The following CSRNP2 variants were observed in gnomAD, a reference collection of about 807,000 sequenced individuals.
CSRNP2 encodes cysteine and serine rich nuclear protein 2, also known as cysteine/serine-rich nuclear protein 2.
A neutral mutation model predicts 36.6 loss-of-function variants in CSRNP2; 11 were observed. The observed-to-expected ratio is 0.30, with a 90% CI of 0.19 to 0.50. The LOEUF (loss-of-function observed/expected upper bound fraction) is 0.50, where lower values mean the gene tolerates loss of function less well. Ranked by LOEUF, CSRNP2 falls within the 20% of genes least tolerant of loss-of-function variation. CSRNP2 has a pLI of 0.98. For missense variants in CSRNP2, 483 were observed against 691.4 expected, an observed-to-expected ratio of 0.70 and a Z score of 3.38; for synonymous variants, 248 against 275.3, an observed-to-expected ratio of 0.90 and a Z score of 0.98.
chr12:51,081,376 A>C (rs1939634512), intron 1 of CSRNP2: 1 of 152,158 alleles, frequency 6.6e-6, no homozygotes, highest in Non-Finnish European at 1.5e-5. Flanking sequence ...ATACTTTCCA[A>C]TTCATCAAAT....
At chr12:51,069,096 C>T (rs538498403) in intron 3 of CSRNP2, among the ~76,000 whole-genome samples, 28 of 152,236 alleles carry the variant, frequency 1.8e-4, no homozygotes, top group Non-Finnish European at 3.4e-4. Context: ...CTGCCTCAGT[C>T]TCCCGAGTAG....
chr12:51,080,668 T>A (rs767148231), intron 1 of CSRNP2, among the ~76,000 whole-genome samples: 5 of 152,168 alleles, frequency 3.3e-5, no homozygotes, highest in Non-Finnish European at 7.4e-5. Context: ...CTCAGGGAAA[T>A]CCTCAAGGAC....
chr12:51,076,046 G>GAA (rs200572591), intron 2 of CSRNP2, among the ~76,000 whole-genome samples: 1 of 150,628 alleles, frequency 6.6e-6, no homozygotes, highest in Non-Finnish European at 1.5e-5. Context: ...AGCAAAACGA[G>GAA]AAAAAAAAAG....
chr12:51,066,603 T>G (rs111478840), intron 4 of CSRNP2, among the ~76,000 whole-genome samples: 7,305 of 148,250 alleles, frequency 0.049, 400 homozygotes, highest in African/African-American at 0.14. Context: ...ATCGCGCCAC[T>G]GCACTCCAGC....
In CSRNP2 at chr12:51,083,573, A is replaced by C. The variant is rs1027834596; in HGVS notation, c.-321T>G. On this transcript the variant is annotated 5_prime_UTR_variant, in exon 1 of 5. Coordinates refer to ENST00000228515, the MANE Select transcript of CSRNP2 (RefSeq NM_030809.3). ...GCGCCCCCGGCAGCAGACGCCCAGA[A>C]CCGCCCCGGCTCCGGCTAACAATAG... is the stretch of plus-strand genomic sequence containing the variant. 1 of 152,216 alleles carries C rather than the reference A, an allele frequency of 6.6e-6. No homozygotes were observed. The allele number at this position is 152,216 out of a possible 1,614,324, so 9.4% of individuals were successfully genotyped here. A position where few individuals can be genotyped will look rare whatever the true frequency, so the allele number is the denominator to read the frequency against.
chr12:51,080,072 CAAAAAAAAAAAAAAAAAAA>C (rs1173559322), intron 1 of CSRNP2, among the ~76,000 whole-genome samples: 1 of 54,988 alleles, frequency 1.8e-5, no homozygotes, highest in Non-Finnish European at 3.2e-5. Context: ...GACTCTGTCT[CAAAAAAAAAAAAAAAAAAA>C]AAAAAAAAGA....
chr12:51,069,264 C>T (rs113826262), intron 3 of CSRNP2, among the ~76,000 whole-genome samples: 3,978 of 150,840 alleles, frequency 0.026, 187 homozygotes, highest in African/African-American at 0.093. Context: ...CATGAGCCAC[C>T]GTGCCCGGCT....
rs886638113 is a variant in CSRNP2 at position 51,062,547 on chromosome 12, T to A, written c.*1199A>T. The A allele has an allele frequency of 1.3e-4, 20 of 152,298 alleles. No homozygotes were observed. Among genetic ancestry groups the A allele is most frequent in the Admixed American group, 1.0e-3 (16 of 15,284 alleles). The allele number at this position is 152,298 out of a possible 1,614,324, so 9.4% of individuals were successfully genotyped here. On this transcript the variant is annotated 3_prime_UTR_variant, in exon 5 of 5. Transcript: ENST00000228515. ...TCAAAGGTTATAATTAGAACTTGAA[T>A]CCTTTGGAATCTGGGAGTTGCATGT...
At chr12:51,072,275 G>T (rs564701758) in intron 3 of CSRNP2, among the ~76,000 whole-genome samples, 1 of 152,144 alleles carries the variant, frequency 6.6e-6, no homozygotes, top group Non-Finnish European at 1.5e-5. Flanking sequence ...ATGAAAAATG[G>T]GTGGCCAAGT....
chr12:51,065,869 T>C (rs1938160783), intron 4 of CSRNP2, among the ~76,000 whole-genome samples: 1 of 152,220 alleles, frequency 6.6e-6, no homozygotes. Context: ...AGTTATTTGT[T>C]ACCCAGCTAA....
rs959003148 is a variant in CSRNP2, at chr12:51,068,108, T to C, written c.412-139A>G. ...TGCTGTCCAAAATGATGGCAGCTAC[T>C]AGCACATGTGGCTACTGAGCACTAG... On this transcript the variant is annotated intron_variant, in intron 3 of 4. Transcript: ENST00000228515. 7.0e-6 allele frequency: 5 copies of C among 716,326 alleles called. No homozygotes were observed. In the Admixed American group the frequency reaches 1.1e-4, roughly 16 times the overall value. The allele number at this position is 716,326 out of a possible 1,614,324, so 44.4% of individuals were successfully genotyped here. A position where few individuals can be genotyped will look rare whatever the true frequency, so the allele number is the denominator to read the frequency against.
intron 3 of CSRNP2, 119 bp downstream of exon 3, chr12:51,073,704 C>T (rs1209195828): frequency 2.3e-5 from 26 of 1,119,476 alleles, no homozygotes; most frequent in Non-Finnish European, 3.1e-5. Context: ...CCAGCCCGGG[C>T]GACAGAGCAA....
In CSRNP2 at chr12:51,062,479, G is replaced by C. The variant is rs1950896776; in HGVS notation, c.*1267C>G. The C allele has an allele frequency of 6.6e-6, 1 of 152,192 alleles. No individual in the cohort carries two copies. Among genetic ancestry groups the C allele is most frequent in the Admixed American group, 6.5e-5 (1 of 15,272 alleles). The allele number at this position is 152,192 out of a possible 1,614,324, so 9.4% of individuals were successfully genotyped here. ...CAGGAACTGTATTCCTCCTGACAGA[G>C]GTAAGAACTGAATCAAACTGAATGA... On this transcript the variant is annotated 3_prime_UTR_variant, in exon 5 of 5. Coordinates refer to ENST00000228515, the MANE Select transcript of CSRNP2 (RefSeq NM_030809.3).
chr12:51,080,281 G>A (rs774166392), intron 1 of CSRNP2, among the ~76,000 whole-genome samples: 1 of 151,880 alleles, frequency 6.6e-6, no homozygotes, highest in Non-Finnish European at 1.5e-5. Flanking sequence ...TAGTATCTCC[G>A]GTGAATATTT....
intron 3 of CSRNP2, among the ~76,000 whole-genome samples, chr12:51,068,995 A>C (rs762322157): frequency 1.3e-5 from 2 of 151,948 alleles, no homozygotes; most frequent in Admixed American, 6.6e-5. Context: ...TTTTTTTTTG[A>C]GACGGAGTCT....
In CSRNP2 at chr12:51,077,334, C is replaced by T. The variant is rs573822278; in HGVS notation, c.-86-687G>A. On this transcript the variant is annotated intron_variant, in intron 1 of 4. Transcript: ENST00000228515. The stretch of plus-strand genomic sequence containing the variant: ...TATTAATAGCTTTTACATAGAAATA[C>T]GACTGCTGTGTCAAAAGGGTTTTAA... Among the ~76,000 whole-genome samples the T allele has an allele frequency of 1.6e-3, 243 of 152,280 alleles. 2 individuals carry two copies. Among genetic ancestry groups the T allele is most frequent in the Non-Finnish European group, 1.4e-3 (95 of 68,018 alleles).
chr12:51,063,766 C>G lies in CSRNP2; in HGVS notation c.1612G>C (p.Glu538Gln), dbSNP rs139339223. The change falls in exon 5 of 5, where the codon GAA becomes CAA. Residue 538 changes from glutamate to glutamine, a missense_variant. By Grantham distance (29) the Glu-to-Gln change is conservative (BLOSUM62 2). This residue lies in a region of CSRNP2 where 277 missense variants were observed against 323.6 expected (regional missense o/e 0.86). Coordinates refer to ENST00000228515, the MANE Select transcript of CSRNP2 (RefSeq NM_030809.3). Reference sequence around the variant, plus strand: ...GCCTGTCACACTGCCAGAGGGAGTTCTAAGGAAGAATCTTCAGGGGGCCGA... The same window carrying G: ...GCCTGTCACACTGCCAGAGGGAGTTGTAAGGAAGAATCTTCAGGGGGCCGA... ...EDRPPEDSSL[E>Q]LPLAV 8.1e-4 allele frequency: 1,275 copies of G among 1,571,794 alleles called. 1 individual carries two copies. Among genetic ancestry groups the G allele is most frequent in the Non-Finnish European group, 1.1e-3 (1,221 of 1,158,736 alleles).
chr12:51,077,165 G>C (rs1161919540), intron 1 of CSRNP2, among the ~76,000 whole-genome samples: 1 of 151,934 alleles, frequency 6.6e-6, no homozygotes, highest in South Asian at 2.1e-4. Flanking sequence ...GGCTGGTCTT[G>C]AACACCTGGG....
intron 3 of CSRNP2, among the ~76,000 whole-genome samples, chr12:51,070,362 G>A (rs575886009): frequency 2.0e-4 from 30 of 152,238 alleles, no homozygotes; most frequent in Non-Finnish European, 2.8e-4. Flanking sequence ...CAGTGATTTC[G>A]GTACTAGGCA....
Sources: allele counts gnomAD v4.1 joint callset (sites outside exome capture counted in the v4.1 genomes callset), GRCh38; gene constraint gnomAD v4.1.1; regional missense constraint gnomAD v4.1.1; transcripts MANE v1.5; gene names NCBI Gene and HGNC (gene_info 2026-07-23, HGNC 2026-07-21).